The following KCNAB1 variants were observed in gnomAD, a reference collection of about 807,000 sequenced individuals.
The protein encoded by KCNAB1 is potassium voltage-gated channel subfamily A regulatory beta subunit 1.
Under a neutral mutation model 64.6 loss-of-function variants are expected in KCNAB1, and 35 were observed. That is an observed-to-expected ratio of 0.54 (90% CI 0.41 to 0.72). The LOEUF is 0.72. KCNAB1 is among the 30% of genes least tolerant of loss of function. KCNAB1 has a pLI of 0.00. For missense variants in KCNAB1, 401 were observed against 512.9 expected (o/e 0.78, Z 2.11); for synonymous variants, 177 against 183.8 (o/e 0.96, Z 0.30).
chr3:156,400,120 AG>A (rs143490126), intron 1 of KCNAB1, among the ~76,000 whole-genome samples: 1,701 of 152,190 alleles, frequency 0.011, 27 homozygotes, highest in African/African-American at 0.039. Context: ...AACACTTCCT[AG>A]GGGGGAAAGT....
Position 156,467,935 on chromosome 3 carries a change from T to A in KCNAB1, c.571+2249T>A, listed in dbSNP as rs545993282. Among the ~76,000 whole-genome samples the A allele has an allele frequency of 5.9e-5, 9 of 152,300 alleles. No individual in the cohort carries two copies. In the South Asian group the frequency reaches 1.9e-3, roughly 32 times the overall value. ...TGAGTTTGAGCTTCTTTTAACAATT[T>A]TGTTCTTTTTCTGGAAATTCACTCT... On this transcript the variant is annotated intron_variant, in intron 7 of 13. Transcript: ENST00000490337.
At chr3:156,366,145 C>T (rs1288848297) in intron 1 of KCNAB1, among the ~76,000 whole-genome samples, 1 of 152,178 alleles carries the variant, frequency 6.6e-6, no homozygotes, top group Non-Finnish European at 1.5e-5. Flanking sequence ...CTGGCATTTT[C>T]ATGACTACTG....
chr3:156,126,818 C>T (rs1030859468), intron 1 of KCNAB1, among the ~76,000 whole-genome samples: 5 of 151,054 alleles, frequency 3.3e-5, no homozygotes, highest in African/African-American at 9.9e-5. Flanking sequence ...AGGGTTGTTA[C>T]GGGAGCTCAA....
intron 11 of KCNAB1, among the ~76,000 whole-genome samples, chr3:156,518,698 A>G (rs1000149522): frequency 7.2e-5 from 11 of 152,196 alleles, no homozygotes; most frequent in Non-Finnish European, 1.0e-4. Flanking sequence ...AGCATAAAAA[A>G]TACCTATCTA....
At chr3:156,332,593 A>C (rs3772236) in intron 1 of KCNAB1, among the ~76,000 whole-genome samples, 54,220 of 151,988 alleles carry the variant, frequency 0.36, 11,958 homozygotes, top group African/African-American at 0.63. Flanking sequence ...AATGTCTCCA[A>C]CTGCCAAACG....
intron 1 of KCNAB1, among the ~76,000 whole-genome samples, chr3:156,391,180 T>C (rs1423452268): frequency 2.6e-5 from 4 of 152,190 alleles, no homozygotes; most frequent in Non-Finnish European, 5.9e-5. Context: ...GTTTCTGGAA[T>C]TTGAATACCC....
At chr3:156,395,362 G>A (rs1005084121) in intron 1 of KCNAB1, among the ~76,000 whole-genome samples, 2 of 148,986 alleles carry the variant, frequency 1.3e-5, no homozygotes, top group Non-Finnish European at 3.0e-5. Context: ...CGGCTAAAAC[G>A]GTGAAACCCC....
chr3:156,203,235 T>C (rs2108381767), intron 1 of KCNAB1, among the ~76,000 whole-genome samples: 1 of 152,348 alleles, frequency 6.6e-6, no homozygotes, highest in Admixed American at 6.5e-5. Context: ...GGTTGAGTAG[T>C]TGCAATAGAG....
intron 1 of KCNAB1, among the ~76,000 whole-genome samples, chr3:156,129,609 G>A (rs1713876202): frequency 1.3e-5 from 2 of 152,124 alleles, no homozygotes; most frequent in South Asian, 2.1e-4. Flanking sequence ...CAGAATAACA[G>A]GGTTACATAT....
At chr3:156,235,110 C>T (rs902516591) in intron 1 of KCNAB1, among the ~76,000 whole-genome samples, 4 of 152,130 alleles carry the variant, frequency 2.6e-5, no homozygotes, top group African/African-American at 9.7e-5. Context: ...GATTCAAAGT[C>T]ATGTCTCAGA....
chr3:156,531,782 C>CT (rs1321627099), intron 13 of KCNAB1, among the ~76,000 whole-genome samples: 1 of 152,214 alleles, frequency 6.6e-6, no homozygotes, highest in Non-Finnish European at 1.5e-5. Flanking sequence ...AAAAGCCGGC[C>CT]TGATAACTTG....
At chr3:156,317,215 A>G (rs1722329301) in intron 1 of KCNAB1, among the ~76,000 whole-genome samples, 1 of 152,220 alleles carries the variant, frequency 6.6e-6, no homozygotes, top group Admixed American at 6.5e-5. Context: ...ATACGATTCT[A>G]GACATATCCA....
chr3:156,472,308 G>A (rs188224358), intron 7 of KCNAB1, among the ~76,000 whole-genome samples: 1 of 152,312 alleles, frequency 6.6e-6, no homozygotes, highest in East Asian at 1.9e-4. Flanking sequence ...TGGATGAGCT[G>A]CGGTGGCTGT....
intron 9 of KCNAB1, 24 bp from the exon 10 acceptor site, chr3:156,515,076 G>A (rs1337030640): frequency 1.3e-6 from 2 of 1,580,632 alleles, no homozygotes; most frequent in South Asian, 1.2e-5. Flanking sequence ...GTATAAATTT[G>A]GTTGTAATCT....
chr3:156,219,062 A>G (rs939177202), intron 1 of KCNAB1, among the ~76,000 whole-genome samples: 1 of 151,950 alleles, frequency 6.6e-6, no homozygotes, highest in Non-Finnish European at 1.5e-5. Flanking sequence ...TTACACCCTG[A>G]AGAGATCATA....
chr3:156,286,424 C>T (rs572474589), intron 1 of KCNAB1, among the ~76,000 whole-genome samples: 2 of 152,130 alleles, frequency 1.3e-5, no homozygotes, highest in African/African-American at 4.8e-5. Flanking sequence ...TTGGATAAAC[C>T]CAATTTTGCC....
intron 1 of KCNAB1, among the ~76,000 whole-genome samples, chr3:156,151,017 A>G (rs924147628): frequency 2.6e-5 from 4 of 152,178 alleles, no homozygotes; most frequent in East Asian, 1.9e-4. Flanking sequence ...AAAAGTAGAC[A>G]TCTCATCCCC....
At chr3:156,465,874 A>G (rs552154536) in intron 7 of KCNAB1, among the ~76,000 whole-genome samples, 188 bp downstream of exon 7, 1 of 152,316 alleles carries the variant, frequency 6.6e-6, no homozygotes, top group South Asian at 2.1e-4. Context: ...ATGGGAACTC[A>G]AAAGGAAAAG....
intron 1 of KCNAB1, among the ~76,000 whole-genome samples, chr3:156,153,712 G>A (rs747060248): frequency 1.3e-5 from 2 of 152,332 alleles, no homozygotes; most frequent in Middle Eastern, 3.4e-3. Context: ...GTCTATTTCT[G>A]CTTTCAGAGT....
Sources: gnomAD v4.1 joint callset for allele counts (sites outside exome capture counted in the v4.1 genomes callset) on GRCh38, gnomAD v4.1.1 for gene constraint, MANE v1.5 for transcripts, NCBI Gene and HGNC (gene_info 2026-07-23, HGNC 2026-07-21) for gene names.